The following PARP8 variants were observed in gnomAD, a reference collection of about 807,000 sequenced individuals.
The protein encoded by PARP8 is poly(ADP-ribose) polymerase family member 8, also known as protein mono-ADP-ribosyltransferase PARP8.
In PARP8, 51 loss-of-function variants were observed where a neutral mutation model predicts 124.1. The ratio of observed to expected loss-of-function variants is 0.41; its 90% CI spans 0.33 to 0.52. The LOEUF (loss-of-function observed/expected upper bound fraction) is 0.52, where lower values mean the gene tolerates loss of function less well. Among genes scored for constraint, PARP8 ranks in the 20% least tolerant of loss-of-function variants. The pLI, the probability that PARP8 is intolerant of heterozygous loss-of-function variation, is 0.21. For synonymous variants in PARP8, 391 were observed against 361.5 expected, an observed-to-expected ratio of 1.08 and a Z score of -0.93; for missense variants, 860 against 1,018.9, an observed-to-expected ratio of 0.84 and a Z score of 2.12.
chr5:50,756,288 T>TGTCCAGTCA (rs1342871562), intron 3 of PARP8, among the ~76,000 whole-genome samples: 2 of 152,182 alleles, frequency 1.3e-5, no homozygotes, highest in African/African-American at 4.8e-5. Context: ...TTCCAGTTTT[T>TGTCCAGTCA]GTCCAGTCAG....
chr5:50,688,036 A>G (rs1334393106), intron 2 of PARP8, among the ~76,000 whole-genome samples: 7 of 152,194 alleles, frequency 4.6e-5, no homozygotes, highest in African/African-American at 1.7e-4. Flanking sequence ...TTATGTAGAG[A>G]TGATGTCTTG....
intron 14 of PARP8, among the ~76,000 whole-genome samples, chr5:50,802,009 A>G (rs1743282941): frequency 6.6e-6 from 1 of 152,216 alleles, no homozygotes. Context: ...TTAAAACTAA[A>G]GTGAATCTCT....
Position 50,834,946 on chromosome 5 carries a change from A to G in PARP8, c.2393A>G (p.Asp798Gly), listed in dbSNP as rs1747401099. Residue 798 changes from aspartate (D) to glycine (G), a missense_variant, in exon 25 of 26, where the codon GAC (aspartate) becomes GGC (glycine). This residue lies in a region of PARP8 where 343 missense variants were observed against 474.7 expected (regional missense o/e 0.72). Transcript: ENST00000281631. ...IALCEVITSS[D>G]LHKHGEIWVV... ...CACTTAACAGTGATCACCTCATCTG[A>G]CCTGCACAAACATGGAGAGATATGG... The G allele has an allele frequency of 6.2e-7, 1 of 1,613,324 alleles. No homozygotes were observed. Among genetic ancestry groups the G allele is most frequent in the Non-Finnish European group, 8.5e-7 (1 of 1,179,506 alleles).
At chr5:50,689,930 C>T (rs181220042) in intron 2 of PARP8, among the ~76,000 whole-genome samples, 47 of 152,324 alleles carry the variant, frequency 3.1e-4, no homozygotes, top group Admixed American at 1.7e-3. Context: ...GAACATTCCA[C>T]TGTACCTCAC....
chr5:50,778,441 C>A, intron 8 of PARP8, 119 bp from the exon 9 acceptor site: 1 of 779,734 alleles, frequency 1.3e-6, no homozygotes, highest in Non-Finnish European at 2.1e-6. Context: ...TTTGAGATAA[C>A]TTATAGGCCT....
intron 15 of PARP8, among the ~76,000 whole-genome samples, chr5:50,819,652 G>A (rs963618823): frequency 1.1e-4 from 16 of 151,902 alleles, no homozygotes; most frequent in African/African-American, 3.4e-4. Flanking sequence ...CATTGGCCAG[G>A]CTGGTCTCGA....
At chr5:50,767,187 G>A (rs1188164134) in intron 7 of PARP8, among the ~76,000 whole-genome samples, 2 of 152,080 alleles carry the variant, frequency 1.3e-5, no homozygotes, top group African/African-American at 4.8e-5. Context: ...TAACAATAAG[G>A]TAGGAGTGAG....
intron 15 of PARP8, among the ~76,000 whole-genome samples, chr5:50,817,254 T>C (rs978187760): frequency 7.9e-5 from 12 of 152,246 alleles, no homozygotes; most frequent in Admixed American, 6.5e-5. Flanking sequence ...TAATGATTGA[T>C]ACAAAGCACA....
intron 3 of PARP8, among the ~76,000 whole-genome samples, chr5:50,757,871 C>T (rs1346241330): frequency 2.0e-5 from 3 of 152,116 alleles, no homozygotes; most frequent in Admixed American, 2.0e-4. Flanking sequence ...ATCCACCTTA[C>T]GGATTCTTCT....
intron 9 of PARP8, among the ~76,000 whole-genome samples, chr5:50,780,095 A>G (rs2149613781): frequency 6.6e-6 from 1 of 152,282 alleles, no homozygotes; most frequent in East Asian, 1.9e-4. Flanking sequence ...CTATGTGCAT[A>G]TGAATTTATT....
At chr5:50,690,928 A>T (rs1752430031) in intron 2 of PARP8, among the ~76,000 whole-genome samples, 2 of 152,120 alleles carry the variant, frequency 1.3e-5, no homozygotes, top group Admixed American at 1.3e-4. Flanking sequence ...CAAATTTCTT[A>T]TTTCTCTACC....
intron 2 of PARP8, among the ~76,000 whole-genome samples, chr5:50,716,698 C>T (rs912958216): frequency 1.3e-5 from 2 of 151,992 alleles, no homozygotes; most frequent in African/African-American, 2.4e-5. Context: ...TAGGAAATTT[C>T]TTTAACATGG....
chr5:50,820,082 G>T (rs1745588798), intron 15 of PARP8, among the ~76,000 whole-genome samples: 1 of 152,152 alleles, frequency 6.6e-6, no homozygotes, highest in Non-Finnish European at 1.5e-5. Context: ...CTCGGGGCAT[G>T]TTATGTCTGG....
chr5:50,716,108 C>T (rs968466320), intron 2 of PARP8, among the ~76,000 whole-genome samples: 1 of 152,036 alleles, frequency 6.6e-6, no homozygotes, highest in African/African-American at 2.4e-5. Context: ...GTTATATCCC[C>T]ATGTTTCCAC....
chr5:50,813,096 G>A lies in PARP8; in HGVS notation c.1576-2336G>A, dbSNP rs187654106. On this transcript the variant is annotated intron_variant, in intron 14 of 25. Coordinates refer to ENST00000281631, the MANE Select transcript of PARP8 (RefSeq NM_024615.4). ...TGTGGGCTCTTTTTTGGTTCCATAT[G>A]AACTTTAAAGTAGTTTTTTCCAATT... Among the ~76,000 whole-genome samples, 768 of 152,266 alleles carry A rather than the reference G, an allele frequency of 5.0e-3. 7 individuals are homozygous for A. The highest frequency in any genetic ancestry group is 0.03 in the South Asian group (146 of 4,824).
chr5:50,818,245 C>G (rs1236384698), intron 15 of PARP8, among the ~76,000 whole-genome samples: 7 of 105,320 alleles, frequency 6.6e-5, no homozygotes, highest in Non-Finnish European at 1.3e-4. Context: ...CTTTTCTTCC[C>G]CCTCGAGAGA....
intron 2 of PARP8, among the ~76,000 whole-genome samples, chr5:50,676,285 G>T (rs1750627744): frequency 1.3e-5 from 2 of 152,222 alleles, no homozygotes; most frequent in African/African-American, 4.8e-5. Flanking sequence ...ATTGAGCCGG[G>T]AAGAATTTAT....
chr5:50,818,554 G>GT lies in PARP8; in HGVS notation c.1669-2652dup, dbSNP rs1244618499. ...CTCTCTTACATTTTTATTTTTATTT[G>GT]TTTTTTTGGAGACAAGGTCTCACTG... On this transcript the variant is annotated intron_variant, in intron 15 of 25. Coordinates refer to ENST00000281631, the MANE Select transcript of PARP8 (RefSeq NM_024615.4). Among the ~76,000 whole-genome samples the GT allele has an allele frequency of 2.0e-5, 3 of 151,446 alleles. No individual in the cohort carries two copies. In the East Asian group the frequency reaches 5.8e-4, roughly 30 times the overall value.
chr5:50,679,127 T>TA (rs202185549), intron 2 of PARP8, among the ~76,000 whole-genome samples: 143 of 150,006 alleles, frequency 9.5e-4, no homozygotes, highest in African/African-American at 2.2e-3. Context: ...TGCTTTCACT[T>TA]AAAAAAAAAA....
Sources: gnomAD v4.1 joint callset for allele counts (sites outside exome capture counted in the v4.1 genomes callset) on GRCh38, gnomAD v4.1.1 for gene constraint, gnomAD v4.1.1 regional missense constraint, MANE v1.5 for transcripts, NCBI Gene and HGNC (gene_info 2026-07-23, HGNC 2026-07-21) for gene names.